VPS54: variants seen among roughly 807,000 people sequenced by gnomAD.
VPS54 encodes VPS54 subunit of GARP complex.
Under a neutral mutation model 121.5 loss-of-function variants are expected in VPS54, and 45 were observed. That is an observed-to-expected ratio of 0.37 (90% CI 0.29 to 0.47). VPS54 has a LOEUF of 0.47. Ranked by LOEUF, VPS54 falls within the 20% of genes least tolerant of loss-of-function variation. The probability of loss-of-function intolerance (pLI) is 0.99; values close to 1 mark genes in which losing one functional copy is unlikely to be tolerated. For synonymous variants in VPS54, 371 were observed against 385.8 expected, an observed-to-expected ratio of 0.96 and a Z score of 0.45; for missense variants, 1,090 against 1,131.4, an observed-to-expected ratio of 0.96 and a Z score of 0.52.
chr2:63,905,650 T>C lies in VPS54; in HGVS notation c.2626-6069A>G, dbSNP rs556782081. Among the ~76,000 whole-genome samples the C allele has an allele frequency of 1.7e-4, 26 of 152,188 alleles. No homozygotes were observed. In the South Asian group the frequency reaches 4.6e-3, roughly 27 times the overall value. ...CCACAAATTCTTCTTCCAGGAAATA[T>C]AGGAGGAAGAATACTGTCCAACTCA... On this transcript the variant is annotated intron_variant, in intron 20 of 22. Coordinates refer to ENST00000272322, the MANE Select transcript of VPS54 (RefSeq NM_016516.3).
chr2:63,968,863 C>A (rs76368302), intron 5 of VPS54, 94 bp downstream of exon 5: 496 of 913,532 alleles, frequency 5.4e-4, no homozygotes, highest in African/African-American at 1.5e-3. Context: ...GCCAAAGGGT[C>A]AAAAAAAAAA....
chr2:63,945,350 C>A (rs1674928146), intron 9 of VPS54, among the ~76,000 whole-genome samples: 1 of 152,114 alleles, frequency 6.6e-6, no homozygotes, highest in African/African-American at 2.4e-5. Context: ...TGAGAACACA[C>A]AGACACATAG....
intron 1 of VPS54, among the ~76,000 whole-genome samples, chr2:63,985,054 C>T (rs1336957903): frequency 2.0e-5 from 3 of 152,146 alleles, no homozygotes; most frequent in Admixed American, 1.3e-4. Flanking sequence ...CACAGTGGCT[C>T]ATGCTTGTAA....
chr2:63,897,314 T>G (rs1672486002), intron 22 of VPS54, among the ~76,000 whole-genome samples, 182 bp downstream of exon 22: 1 of 152,032 alleles, frequency 6.6e-6, no homozygotes, highest in Non-Finnish European at 1.5e-5. Context: ...TATAAACCCC[T>G]TTTAGATAGT....
chr2:63,979,810 C>A (rs748532192), intron 3 of VPS54, among the ~76,000 whole-genome samples: 11 of 152,036 alleles, frequency 7.2e-5, no homozygotes, highest in Admixed American at 3.3e-4. Context: ...TTATTAATTT[C>A]TATTTTAATT....
Position 63,981,633 on chromosome 2 carries a change from G to C in VPS54, c.378+13C>G. The stretch of plus-strand genomic sequence containing the variant: ...TTTTGACCTGACTGTAACTAGCCAA[G>C]ATTAGATATTACCTGAGAGATTTCC... On this transcript the variant is annotated intron_variant, in intron 3 of 22. Transcript: ENST00000272322. 1 of 1,558,758 alleles carries C rather than the reference G, an allele frequency of 6.4e-7. No homozygotes were observed. Among genetic ancestry groups the C allele is most frequent in the Non-Finnish European group, 8.7e-7 (1 of 1,153,604 alleles).
At chr2:63,998,384 G>C (rs1281137886) in intron 1 of VPS54, among the ~76,000 whole-genome samples, 1 of 152,112 alleles carries the variant, frequency 6.6e-6, no homozygotes, top group Non-Finnish European at 1.5e-5. Context: ...CTTGTGATTG[G>C]AGAGTTAGTC....
intron 4 of VPS54, among the ~76,000 whole-genome samples, chr2:63,969,962 G>C (rs1008655564): frequency 2.0e-5 from 3 of 151,894 alleles, no homozygotes; most frequent in African/African-American, 7.3e-5. Context: ...TCTTAAGGCT[G>C]AGATACACAC....
At chr2:63,911,379 A>G (rs954016083) in intron 20 of VPS54, among the ~76,000 whole-genome samples, 2 of 152,166 alleles carry the variant, frequency 1.3e-5, no homozygotes, top group East Asian at 3.9e-4. Flanking sequence ...TGTATTACCA[A>G]CTACACCAGA....
At chr2:63,959,818 C>T (rs887805720) in intron 7 of VPS54, among the ~76,000 whole-genome samples, 2 of 151,968 alleles carry the variant, frequency 1.3e-5, no homozygotes, top group East Asian at 1.9e-4. Flanking sequence ...GTCAGGAGTT[C>T]GAGACCAGCC....
Position 63,921,683 on chromosome 2 carries a change from A to G in VPS54, c.1740-348T>C, listed in dbSNP as rs544274590. Among the ~76,000 whole-genome samples, 25 of 152,022 alleles carry G rather than the reference A, an allele frequency of 1.6e-4. No homozygotes were observed. In the South Asian group the frequency reaches 4.6e-3, roughly 28 times the overall value. On this transcript the variant is annotated intron_variant, in intron 12 of 22. Transcript: ENST00000272322. ...GCTGGGACTACAGAGTCTTGCTACA[A>G]TGCCCAGGGTGGTCTCAAATATCCC...
intron 1 of VPS54, among the ~76,000 whole-genome samples, chr2:63,998,440 C>A (rs1677711178): frequency 6.6e-6 from 1 of 152,052 alleles, no homozygotes; most frequent in African/African-American, 2.4e-5. Flanking sequence ...CTTACTCCTG[C>A]CATTTGTTTT....
intron 5 of VPS54, among the ~76,000 whole-genome samples, chr2:63,967,740 A>G (rs1189430399): frequency 1.3e-5 from 2 of 150,016 alleles, no homozygotes; most frequent in Non-Finnish European, 3.0e-5. Context: ...AAAAAATCTT[A>G]TAAGGAGAAG....
At chr2:63,904,265 C>T (rs758091410) in intron 20 of VPS54, among the ~76,000 whole-genome samples, 7 of 151,476 alleles carry the variant, frequency 4.6e-5, no homozygotes, top group African/African-American at 9.7e-5. Context: ...ATGGTGAAAC[C>T]GCACATCTAC....
chr2:63,989,074 C>T (rs889036389), intron 1 of VPS54, among the ~76,000 whole-genome samples: 3 of 152,132 alleles, frequency 2.0e-5, no homozygotes, highest in Non-Finnish European at 2.9e-5. Context: ...GGATGAAACA[C>T]GCCCTAGTCT....
At position 64,019,122 on chromosome 2, in the gene VPS54, C is replaced by A. The variant is rs62136446; in HGVS notation, c.-205G>T. The stretch of plus-strand genomic sequence containing the variant: ...AGTCGGCCCGGGGAGCACAGGGCCG[C>A]CCTCTCGAGCCCAGCTTCACTCAGG... On this transcript the variant is annotated 5_prime_UTR_variant, in exon 1 of 23. Coordinates refer to ENST00000272322, the MANE Select transcript of VPS54 (RefSeq NM_016516.3). 0.048 allele frequency: 7,225 copies of A among 151,220 alleles called. 317 individuals are homozygous for A. The highest frequency in any genetic ancestry group is 0.11 in the African/African-American group (4,506 of 41,296). 9.4% of individuals were successfully genotyped at this position (151,220 alleles called of 1,614,324 possible).
chr2:63,903,963 G>GA (rs1417306095), intron 20 of VPS54, among the ~76,000 whole-genome samples: 3 of 151,942 alleles, frequency 2.0e-5, no homozygotes, highest in South Asian at 2.1e-4. Flanking sequence ...CAGACTAAGG[G>GA]AAAAAAGCAA....
intron 11 of VPS54, among the ~76,000 whole-genome samples, chr2:63,935,431 T>C (rs1325145002): frequency 6.6e-6 from 1 of 152,180 alleles, no homozygotes; most frequent in African/African-American, 2.4e-5. Context: ...GCTCCACTAC[T>C]GCTGCTTTAA....
intron 3 of VPS54, among the ~76,000 whole-genome samples, chr2:63,977,046 C>G (rs926002800): frequency 5.3e-5 from 8 of 152,036 alleles, no homozygotes; most frequent in Non-Finnish European, 7.4e-5. Context: ...CCAGGCTGGT[C>G]TCGAACTCCT....
Sources: allele counts gnomAD v4.1 joint callset (sites outside exome capture counted in the v4.1 genomes callset), GRCh38; gene constraint gnomAD v4.1.1; transcripts MANE v1.5; gene names NCBI Gene and HGNC (gene_info 2026-07-23, HGNC 2026-07-21).